The following SMURF2 variants were observed in gnomAD, a reference collection of about 807,000 sequenced individuals.
SMURF2 encodes E3 ubiquitin-protein ligase SMURF2.
Under a neutral mutation model 109.6 loss-of-function variants are expected in SMURF2, and 48 were observed. That is an observed-to-expected ratio of 0.44 (90% CI 0.35 to 0.56). The LOEUF (loss-of-function observed/expected upper bound fraction) is 0.56. SMURF2 is among the 20% of genes least tolerant of loss of function. The pLI is 0.01. For missense variants in SMURF2, 575 were observed against 909.0 expected (o/e 0.63, Z 4.72); for synonymous variants, 288 against 317.1 (o/e 0.91, Z 0.97).
At chr17:64,552,519 A>T (rs1969059770) in intron 15 of SMURF2, among the ~76,000 whole-genome samples, 1 of 152,274 alleles carries the variant, frequency 6.6e-6, no homozygotes, top group Non-Finnish European at 1.5e-5. Context: ...GGACAGCAAA[A>T]CTGTGTAACT....
intron 1 of SMURF2, among the ~76,000 whole-genome samples, chr17:64,636,237 G>GT (rs1970414777): frequency 6.6e-6 from 1 of 152,078 alleles, no homozygotes; most frequent in Admixed American, 6.6e-5. Flanking sequence ...GAGACTATAG[G>GT]CATGTGCCAA....
chr17:64,546,933 T>G (rs1305817396), intron 17 of SMURF2, among the ~76,000 whole-genome samples: 1 of 152,250 alleles, frequency 6.6e-6, no homozygotes, highest in Non-Finnish European at 1.5e-5. Context: ...TGGGCAGCAC[T>G]GTCGAATTAT....
At chr17:64,652,872 GA>G (rs1400152383) in intron 1 of SMURF2, among the ~76,000 whole-genome samples, 8 of 150,346 alleles carry the variant, frequency 5.3e-5, no homozygotes, top group Non-Finnish European at 7.4e-5. Flanking sequence ...ATATCCATAT[GA>G]AAAAAAAATC....
rs1052439071 is a variant in SMURF2, at chr17:64,581,083, C to T, written c.570-92G>A. On this transcript the variant is annotated intron_variant, in intron 7 of 18. Coordinates refer to ENST00000262435, the MANE Select transcript of SMURF2 (RefSeq NM_022739.4). This position sits in a 1 kb window ranked among gnomAD's most constrained non-coding sequence, Gnocchi z 4.3. Reference sequence around the variant, plus strand: ...TATATATATACTGCAGTAACAACCACTTATCATGTCTGAAAACAGAATGAC... The same window carrying T: ...TATATATATACTGCAGTAACAACCATTTATCATGTCTGAAAACAGAATGAC... 2.7e-6 allele frequency: 3 copies of T among 1,094,484 alleles called. No homozygotes were observed. 67.8% of individuals were successfully genotyped at this position (1,094,484 alleles called of 1,614,324 possible).
chr17:64,568,338 T>A (rs1969345642), intron 10 of SMURF2, among the ~76,000 whole-genome samples: 2 of 152,218 alleles, frequency 1.3e-5, no homozygotes, highest in African/African-American at 4.8e-5. Context: ...TGGGCCACAC[T>A]GAAAGCCGTC....
intron 10 of SMURF2, among the ~76,000 whole-genome samples, chr17:64,563,479 CTATAA>C (rs1389511056): frequency 6.6e-6 from 1 of 152,114 alleles, no homozygotes. Flanking sequence ...CTTACAAATA[CTATAA>C]TAAAGATGTT....
At chr17:64,656,009 G>A (rs966715898) in intron 1 of SMURF2, among the ~76,000 whole-genome samples, 1 of 152,162 alleles carries the variant, frequency 6.6e-6, no homozygotes. Flanking sequence ...TAACTGAAAA[G>A]ATACTACATC....
chr17:64,622,984 C>G (rs1970224638), intron 1 of SMURF2, among the ~76,000 whole-genome samples: 1 of 152,154 alleles, frequency 6.6e-6, no homozygotes, highest in South Asian at 2.1e-4. Context: ...TCCAATACTA[C>G]TTTATTTTAT....
rs9897519 is a variant in SMURF2, at chr17:64,563,722, T to C, written c.1017-756A>G. On this transcript the variant is annotated intron_variant, in intron 10 of 18. Coordinates refer to ENST00000262435, the MANE Select transcript of SMURF2 (RefSeq NM_022739.4). ...CAGGCAATGAATGATTTCTTAGATATAACACCAAAAGCACAATCCATGAAA... is the reference window on the plus strand; with the variant it reads ...CAGGCAATGAATGATTTCTTAGATACAACACCAAAAGCACAATCCATGAAA... 8.0e-3 allele frequency among the ~76,000 whole-genome samples: 1,222 copies of C among 152,284 alleles called. 18 individuals are homozygous for C. Among genetic ancestry groups the C allele is most frequent in the African/African-American group, 0.028 (1,157 of 41,552 alleles).
chr17:64,589,891 C>T (rs557993142), intron 5 of SMURF2, among the ~76,000 whole-genome samples: 1 of 152,236 alleles, frequency 6.6e-6, no homozygotes, highest in East Asian at 1.9e-4. Flanking sequence ...TATGGAAAAA[C>T]TGTATTCCAT....
chr17:64,621,642 G>A (rs917647688), intron 1 of SMURF2, among the ~76,000 whole-genome samples: 12 of 151,602 alleles, frequency 7.9e-5, no homozygotes, highest in East Asian at 3.9e-4. Context: ...TTGGGAGGCC[G>A]AGGTGGGTGG....
rs1555684666 is a variant in SMURF2, at chr17:64,562,888, G to C, written c.1095C>G (p.Val365=). 6.2e-7 allele frequency: 1 copy of C among 1,614,180 alleles called. No individual in the cohort carries two copies. The highest frequency in any genetic ancestry group is 1.1e-5 in the South Asian group (1 of 91,088). Residue 365 remains valine (V), a synonymous_variant, in exon 11 of 19, where the codon GTC becomes GTG. Transcript: ENST00000262435. ...LCPDDTECLT[V]PRYKRDLVQK... ...GAACCAGGTCTCGCTTGTACCTTGG[G>C]ACTGTCAGGCATTCTGTGTCATCAG...
intron 10 of SMURF2, among the ~76,000 whole-genome samples, chr17:64,570,783 G>C (rs1292869770): frequency 1.3e-5 from 2 of 152,024 alleles, no homozygotes; most frequent in African/African-American, 4.8e-5. Context: ...GGGTGTTTTT[G>C]TTTGTTTGCT....
At chr17:64,555,464 C>T (rs1254550516) in intron 14 of SMURF2, among the ~76,000 whole-genome samples, 4 of 152,152 alleles carry the variant, frequency 2.6e-5, no homozygotes, top group African/African-American at 4.8e-5. Flanking sequence ...TCTAAAAGTA[C>T]GGTTCCAACA....
At chr17:64,552,112 GGGT>G (rs1275410353) in intron 15 of SMURF2, among the ~76,000 whole-genome samples, 1 of 152,168 alleles carries the variant, frequency 6.6e-6, no homozygotes, top group Admixed American at 6.5e-5. Flanking sequence ...TGAATGTGTT[GGGT>G]GTTTTGTTTC....
chr17:64,616,611 C>T (rs1488079509), intron 1 of SMURF2, among the ~76,000 whole-genome samples: 4 of 149,842 alleles, frequency 2.7e-5, no homozygotes, highest in East Asian at 2.0e-4. Context: ...GCTGAGATCG[C>T]GCCACTGTAC....
chr17:64,616,763 C>A (rs886572065), intron 1 of SMURF2, among the ~76,000 whole-genome samples: 3 of 151,584 alleles, frequency 2.0e-5, no homozygotes, highest in Non-Finnish European at 2.9e-5. Flanking sequence ...CAGGCTAGTA[C>A]TTCCTTTTAA....
At position 64,616,105 on chromosome 17, in the gene SMURF2, C is replaced by T. The variant is rs568283135; in HGVS notation, c.53-9465G>A. 3.3e-5 allele frequency among the ~76,000 whole-genome samples: 5 copies of T among 152,276 alleles called. No individual in the cohort carries two copies. The South Asian group carries it at 1.0e-3, about 32-fold the overall frequency. On this transcript the variant is annotated intron_variant, in intron 1 of 18. Coordinates refer to ENST00000262435, the MANE Select transcript of SMURF2 (RefSeq NM_022739.4). ...TCGACCTCCCAAAGTGCTGGGATTA[C>T]AGGCGTCAGCCACCACACCCGGCTT...
chr17:64,647,660 GAC>G lies in SMURF2; in HGVS notation c.52+14167_52+14168del, dbSNP rs528811613. Among the ~76,000 whole-genome samples, 35 of 148,984 alleles carry G rather than the reference GAC, an allele frequency of 2.3e-4. No homozygotes were observed. The East Asian group carries it at 6.2e-3, about 27-fold the overall frequency. ...CATGCCATTGCACTTCAGCCCGGGT[GAC>G]AGAGTAAGACTCTGTCTAAAAAAAA... On this transcript the variant is annotated intron_variant, in intron 1 of 18. Transcript: ENST00000262435.
Sources: allele counts gnomAD v4.1 joint callset (sites outside exome capture counted in the v4.1 genomes callset), GRCh38; gene constraint gnomAD v4.1.1; non-coding constraint Gnocchi (gnomAD v3.1); transcripts MANE v1.5; gene names NCBI Gene and HGNC (gene_info 2026-07-23, HGNC 2026-07-21).